The following NAV2 variants were observed in gnomAD, a reference collection of about 807,000 sequenced individuals.
NAV2 encodes helicase, APC down-regulated 1.
NAV2 carries 54 observed loss-of-function variants against 223.2 expected under a neutral mutation model. That is an observed-to-expected ratio of 0.24 (90% CI 0.19 to 0.30). The LOEUF (loss-of-function observed/expected upper bound fraction) is 0.30. Ranked by LOEUF, NAV2 falls within the 10% of genes least tolerant of loss-of-function variation. The pLI, the probability that NAV2 is intolerant of heterozygous loss-of-function variation, is 1.00. For synonymous variants in NAV2, 1,279 were observed against 1,239.3 expected (o/e 1.03, Z -0.67); for missense variants, 2,806 against 3,147.5 (o/e 0.89, Z 2.60).
At chr11:19,962,970 C>G (rs1160109314) in intron 10 of NAV2, among the ~76,000 whole-genome samples, 1 of 152,186 alleles carries the variant, frequency 6.6e-6, no homozygotes, top group East Asian at 1.9e-4. Flanking sequence ...AATTAGAAAG[C>G]TCACATACTT....
chr11:19,536,739 C>T (rs1469742153), intron 1 of NAV2, among the ~76,000 whole-genome samples: 1 of 152,178 alleles, frequency 6.6e-6, no homozygotes, highest in Non-Finnish European at 1.5e-5. Context: ...ACCTGGAGTT[C>T]TAGAAGCCGA....
chr11:19,496,480 G>T (rs1173916210), intron 1 of NAV2, among the ~76,000 whole-genome samples: 3 of 152,322 alleles, frequency 2.0e-5, no homozygotes, highest in East Asian at 1.9e-4. Context: ...GCAAGAGAAG[G>T]CCTCAGTTCC....
chr11:19,464,362 C>T (rs1348889763), intron 1 of NAV2, among the ~76,000 whole-genome samples: 1 of 151,304 alleles, frequency 6.6e-6, no homozygotes, highest in Non-Finnish European at 1.5e-5. Flanking sequence ...AGAAGTTTCT[C>T]GTTAATAAGC....
At chr11:19,499,416 G>A (rs1278906926) in intron 1 of NAV2, among the ~76,000 whole-genome samples, 2 of 152,246 alleles carry the variant, frequency 1.3e-5, no homozygotes, top group Non-Finnish European at 2.9e-5. Flanking sequence ...TCTGTTTGCA[G>A]TTGGTGAAAT....
intron 1 of NAV2, among the ~76,000 whole-genome samples, chr11:19,769,109 T>C (rs948185258): frequency 6.6e-6 from 1 of 152,228 alleles, no homozygotes; most frequent in Non-Finnish European, 1.5e-5. Context: ...GTTCTAAGAA[T>C]AACTGCCAGG....
At chr11:19,566,572 C>G (rs1200323924) in intron 1 of NAV2, among the ~76,000 whole-genome samples, 1 of 152,234 alleles carries the variant, frequency 6.6e-6, no homozygotes, top group East Asian at 1.9e-4. Flanking sequence ...GCAGCCACCC[C>G]TGTGCCTGAG....
intron 1 of NAV2, among the ~76,000 whole-genome samples, chr11:19,415,638 C>CA (rs763384762): frequency 8.6e-5 from 13 of 151,950 alleles, no homozygotes; most frequent in Non-Finnish European, 1.3e-4. Context: ...AGAGACACAA[C>CA]AAAAAAAGAA....
rs774858232 is a variant in NAV2 at position 20,103,638 on chromosome 11, T to A, written c.6573-15T>A. On this transcript the variant is annotated splice_polypyrimidine_tract_variant and intron_variant, in intron 33 of 37. Transcript: ENST00000349880. ...CTTGGAATCACAGCTTTCTTTTCCTTTATTTTATCCGCAGCCCTTACATAA... is the reference window on the plus strand; with the variant it reads ...CTTGGAATCACAGCTTTCTTTTCCTATATTTTATCCGCAGCCCTTACATAA... 8 of 1,613,728 alleles carry A rather than the reference T, an allele frequency of 5.0e-6. No individual in the cohort carries two copies. In the Admixed American group the frequency reaches 1.3e-4, roughly 27 times the overall value.
chr11:19,398,653 T>A (rs1717865399), intron 1 of NAV2, among the ~76,000 whole-genome samples: 1 of 152,202 alleles, frequency 6.6e-6, no homozygotes, highest in African/African-American at 2.4e-5. Context: ...ACCTTCTGGG[T>A]GTCCTTCCCT....
chr11:19,609,443 A>G (rs1317562193), intron 1 of NAV2, among the ~76,000 whole-genome samples: 1 of 152,124 alleles, frequency 6.6e-6, no homozygotes, highest in Non-Finnish European at 1.5e-5. Flanking sequence ...GGAGAGAGAG[A>G]GGTAGAGAGG....
chr11:19,697,254 C>T (rs962522681), intron 1 of NAV2, among the ~76,000 whole-genome samples: 1 of 152,062 alleles, frequency 6.6e-6, no homozygotes, highest in Non-Finnish European at 1.5e-5. Context: ...AAGATGGGAA[C>T]AATAGACACT....
At chr11:19,378,567 C>A (rs1023110007) in intron 1 of NAV2, among the ~76,000 whole-genome samples, 6 of 150,524 alleles carry the variant, frequency 4.0e-5, no homozygotes, top group African/African-American at 1.5e-4. Context: ...GTCGTGATAA[C>A]AGCATCTCCT....
intron 1 of NAV2, among the ~76,000 whole-genome samples, chr11:19,821,053 A>G (rs905551795): frequency 2.3e-4 from 35 of 152,202 alleles, no homozygotes; most frequent in South Asian, 4.2e-4. Flanking sequence ...ACGAGGTCAG[A>G]AGATTGAGAC....
intron 1 of NAV2, among the ~76,000 whole-genome samples, chr11:19,808,614 A>G (rs1392010004): frequency 3.3e-5 from 5 of 152,324 alleles, no homozygotes; most frequent in Admixed American, 2.6e-4. Context: ...CTAGTGGAAA[A>G]CAAGAGTTAT....
intron 1 of NAV2, among the ~76,000 whole-genome samples, chr11:19,806,744 C>G (rs1241862509): frequency 6.6e-6 from 1 of 152,170 alleles, no homozygotes; most frequent in Non-Finnish European, 1.5e-5. Context: ...ATGCTAGAGA[C>G]CCTCCTTTTT....
rs5790101 is a variant in NAV2, at chr11:19,960,589, TTTTA to T, written c.2645+11545_2645+11548del. On this transcript the variant is annotated intron_variant, in intron 10 of 37. Coordinates refer to ENST00000349880, the MANE Select transcript of NAV2 (RefSeq NM_145117.5). ...CCTTTAGGGCCACCCTTTTTTAAAA[TTTTA>T]TTTATTTATTTATTTATTTATTTAT... Among the ~76,000 whole-genome samples, 345 of 141,716 alleles carry T rather than the reference TTTTA, an allele frequency of 2.4e-3. 3 individuals carry two copies. The highest frequency in any genetic ancestry group is 5.9e-3 in the African/African-American group (230 of 38,788). 93.0% of individuals were successfully genotyped at this position (141,716 alleles called of 152,430 possible).
chr11:19,767,592 A>G (rs2055335359), intron 1 of NAV2, among the ~76,000 whole-genome samples: 1 of 152,352 alleles, frequency 6.6e-6, no homozygotes, highest in African/African-American at 2.4e-5. Context: ...TAGGAACAAT[A>G]AACTTTCAAT....
Position 19,842,942 on chromosome 11 carries a change from G to T in NAV2, c.438+19G>T. 6.2e-7 allele frequency: 1 copy of T among 1,610,576 alleles called. No individual in the cohort carries two copies. Among genetic ancestry groups the T allele is most frequent in the Non-Finnish European group, 8.5e-7 (1 of 1,177,258 alleles). ...CCAAATGGTAAGTGGTGCATAGGTA[G>T]TAAATGTTTGAGTTCTGTCAGCAAG... On this transcript the variant is annotated intron_variant, in intron 3 of 37. Transcript: ENST00000349880.
intron 11 of NAV2, among the ~76,000 whole-genome samples, chr11:20,020,637 CTA>C (rs1209314734): frequency 1.3e-5 from 2 of 152,218 alleles, no homozygotes; most frequent in African/African-American, 4.8e-5. Context: ...CCTTAAAGCA[CTA>C]TGTCTCCTAC....
Sources: gnomAD v4.1 joint callset for allele counts (sites outside exome capture counted in the v4.1 genomes callset) on GRCh38, gnomAD v4.1.1 for gene constraint, MANE v1.5 for transcripts, NCBI Gene and HGNC (gene_info 2026-07-23, HGNC 2026-07-21) for gene names.